The following SIGLEC9 variants were observed in gnomAD, a reference collection of about 807,000 sequenced individuals.
SIGLEC9 encodes sialic acid binding Ig like lectin 9.
Under a neutral mutation model 38.3 loss-of-function variants are expected in SIGLEC9, and 26 were observed. The ratio of observed to expected loss-of-function variants is 0.68; its 90% CI spans 0.50 to 0.94. The LOEUF (loss-of-function observed/expected upper bound fraction) is 0.94. Ranked by LOEUF, SIGLEC9 falls within the 40% of genes least tolerant of loss-of-function variation. The probability of loss-of-function intolerance (pLI) is 0.00; values close to 1 mark genes in which losing one functional copy is unlikely to be tolerated. For missense variants in SIGLEC9, 556 were observed against 585.7 expected (o/e 0.95, Z 0.52); for synonymous variants, 236 against 248.0 (o/e 0.95, Z 0.45).
rs374878489 is a variant in SIGLEC9, at chr19:51,129,954, C to T, written c.1267C>T (p.Arg423Cys). The part of the protein sequence containing the change: ...PPDQPPPASA[R>C]SSVGEGELQY... ...AGACCAGCCTCCCCCAGCTTCTGCCCGCTCCTCAGTGGGGGAAGGAGAGCT... is the reference window on the plus strand; with the variant it reads ...AGACCAGCCTCCCCCAGCTTCTGCCTGCTCCTCAGTGGGGGAAGGAGAGCT... Residue 423 changes from arginine to cysteine, a missense_variant, in exon 7 of 7, where the codon CGC (arginine) becomes TGC (cysteine). Arg to Cys is a radical substitution (Grantham distance 180). Transcript: ENST00000250360. 5.3e-5 allele frequency: 86 copies of T among 1,613,660 alleles called. No homozygotes were observed. The highest frequency in any genetic ancestry group is 1.7e-4 in the Admixed American group (10 of 59,934).
Position 51,125,206 on chromosome 19 carries a change from A to C in SIGLEC9, c.232A>C (p.Asn78His). The change falls in exon 1 of 7, where the codon AAC (asparagine) becomes CAC (histidine). Residue 78 changes from asparagine to histidine, a missense_variant. By Grantham distance (68) the Asn-to-His change is moderately conservative. Coordinates refer to ENST00000250360, the MANE Select transcript of SIGLEC9 (RefSeq NM_014441.3). ...TDQDAPVATNNPARAVWEETR... is the reference protein window; with the variant it reads ...TDQDAPVATNHPARAVWEETR... ...CCAGGATGCTCCAGTGGCCACAAAC[A>C]ACCCAGCTCGGGCAGTGTGGGAGGA... The C allele has an allele frequency of 1.2e-6, 2 of 1,614,012 alleles. No homozygotes were observed. The highest frequency in any genetic ancestry group is 1.7e-6 in the Non-Finnish European group (2 of 1,179,966).
chr19:51,123,601 C>T (rs2091956732), upstream of SIGLEC9, among the ~76,000 whole-genome samples: 1 of 152,130 alleles, frequency 6.6e-6, no homozygotes, highest in African/African-American at 2.4e-5. Flanking sequence ...AGACCATTAG[C>T]GTTAAAGTGA....
chr19:51,135,795 G>A (rs1268772714), intron 6 of SIGLEC9, among the ~76,000 whole-genome samples: 1 of 151,630 alleles, frequency 6.6e-6, no homozygotes, highest in Non-Finnish European at 1.5e-5. Flanking sequence ...AAAAATTTTT[G>A]TCTGATTGGG....
chr19:51,124,473 G>A (rs368641164), upstream of SIGLEC9, among the ~76,000 whole-genome samples: 4 of 152,108 alleles, frequency 2.6e-5, no homozygotes, highest in African/African-American at 7.2e-5. Flanking sequence ...TGTTGACCTC[G>A]TTGTGCAGAA....
chr19:51,127,319 G>A (rs1308760487), intron 4 of SIGLEC9, 23 bp downstream of exon 4: 1 of 1,586,292 alleles, frequency 6.3e-7, no homozygotes, highest in Non-Finnish European at 8.6e-7. Context: ...GTATGCTGGG[G>A]AGGGGCTGGA....
rs273690 is a variant in SIGLEC9 at position 51,127,979 on chromosome 19, T to C, written c.1046T>C (p.Val349Ala). The C allele has an allele frequency of 0.019, 30,806 of 1,613,190 alleles. 5,068 individuals are homozygous for C. In the African/African-American group the frequency reaches 0.36, roughly 19 times the overall value. The change falls in exon 5 of 7, where the codon GTG becomes GCG. Residue 349 changes from valine (V) to alanine (A), a missense_variant. By Grantham distance (64) the Val-to-Ala change is moderately conservative. Coordinates refer to ENST00000250360, the MANE Select transcript of SIGLEC9 (RefSeq NM_014441.3). ...GCCACATCAGGAGTGACTCAGGGGG[T>C]GGTCGGGGGAGCTGGAGCCACAGCC... ...SKATSGVTQGVVGGAGATALV... is the reference protein window; with the variant it reads ...SKATSGVTQGAVGGAGATALV...
At chr19:51,127,393 G>A (rs984470182) in intron 4 of SIGLEC9, 97 bp downstream of exon 4, 18 of 1,301,912 alleles carry the variant, frequency 1.4e-5, no homozygotes, top group South Asian at 4.3e-5. Flanking sequence ...GAGGAGCTCC[G>A]CTCTGGTCTG....
At chr19:51,122,214 C>T (rs189078784), upstream of SIGLEC9, among the ~76,000 whole-genome samples, 305 of 152,272 alleles carry the variant, frequency 2.0e-3, 2 homozygotes, top group Non-Finnish European at 2.5e-3. The surrounding 1 kb of genome is among the most constrained non-coding windows in gnomAD (Gnocchi z 4.1). Context: ...ACCCACTCCC[C>T]CTTCCAATCT....
chr19:51,126,162 G>C, intron 3 of SIGLEC9, 34 bp downstream of exon 3: 1 of 1,596,382 alleles, frequency 6.3e-7, no homozygotes. Flanking sequence ...GGCTGGAGGA[G>C]CAGGGCCTTC....
Position 51,126,122 on chromosome 19 carries a change from G to A in SIGLEC9, c.742G>A (p.Gly248Ser), listed in dbSNP as rs202208227. The change falls in exon 3 of 7, where the codon GGC (glycine) becomes AGC (serine). Residue 248 changes from glycine to serine, a missense_variant. By Grantham distance (56) the Gly-to-Ser change is moderately conservative. Transcript: ENST00000250360. ...NLTMTVFQGD[G>S]TVSTVLGNGS... ...GACCATGACTGTCTTCCAAGGAGAC[G>A]GCACAGGTAGGATGGAGCTCCCTCC... 7.6e-5 allele frequency: 123 copies of A among 1,613,814 alleles called. No individual in the cohort carries two copies. The highest frequency in any genetic ancestry group is 8.2e-5 in the Non-Finnish European group (97 of 1,179,844).
At chr19:51,131,808 T>C (rs1234742813), downstream of SIGLEC9, among the ~76,000 whole-genome samples, 1 of 148,670 alleles carries the variant, frequency 6.7e-6, no homozygotes, top group Non-Finnish European at 1.5e-5. Flanking sequence ...CCTTGCTACT[T>C]GGGAGGCTGA....
upstream of SIGLEC9, chr19:51,120,694 C>A: frequency 5.3e-6 from 1 of 187,516 alleles, no homozygotes. The surrounding 1 kb of genome is among the most constrained non-coding windows in gnomAD (Gnocchi z 4.1). Flanking sequence ...GCAGCAACCT[C>A]ACCTGTCAGG....
chr19:51,128,549 G>A, intron 6 of SIGLEC9, 39 bp downstream of exon 6: 2 of 1,581,474 alleles, frequency 1.3e-6, no homozygotes, highest in African/African-American at 1.3e-5. Context: ...CATGTAGCCT[G>A]GACACCTCCC....
chr19:51,124,316 A>T (rs150280645), upstream of SIGLEC9, among the ~76,000 whole-genome samples: 422 of 152,004 alleles, frequency 2.8e-3, 3 homozygotes, highest in African/African-American at 9.9e-3. Context: ...AGTCCTCCTG[A>T]GATTGAACCC....
Position 51,130,284 on chromosome 19 carries a change from T to G in SIGLEC9, c.*205T>G. On this transcript the variant is annotated 3_prime_UTR_variant, in exon 7 of 7. Coordinates refer to ENST00000250360, the MANE Select transcript of SIGLEC9 (RefSeq NM_014441.3). ...CACACTGTGCCCTCCCTTTTATTTTTTTAACTAAAAGACAGACAAATTCCT... is the reference window on the plus strand; with the variant it reads ...CACACTGTGCCCTCCCTTTTATTTTGTTAACTAAAAGACAGACAAATTCCT... 1 of 1,062,222 alleles carries G rather than the reference T, an allele frequency of 9.4e-7. No homozygotes were observed. Among genetic ancestry groups the G allele is most frequent in the Non-Finnish European group, 1.2e-6 (1 of 814,120 alleles). The allele number at this position is 1,062,222 out of a possible 1,614,324, so 65.8% of individuals were successfully genotyped here.
At chr19:51,123,854 C>T (rs2091958263), upstream of SIGLEC9, among the ~76,000 whole-genome samples, 1 of 152,218 alleles carries the variant, frequency 6.6e-6, no homozygotes, top group African/African-American at 2.4e-5. Context: ...CCCAGTTCCT[C>T]CCAGCCCAGC....
chr19:51,125,830 G>A lies in SIGLEC9; in HGVS notation c.655G>A (p.Gly219Arg). The A allele has an allele frequency of 6.2e-7, 1 of 1,614,140 alleles. No homozygotes were observed. The highest frequency in any genetic ancestry group is 8.5e-7 in the Non-Finnish European group (1 of 1,180,022). ...CCTCACCTGTCAGGTGACCTTCCCT[G>A]GGGCCAGCGTGACCACGAACAAGAC... ...TSLTCQVTFP[G>R]ASVTTNKTVH... Residue 219 changes from glycine (G) to arginine (R), a missense_variant, in exon 2 of 7, where the codon GGG (glycine) becomes AGG (arginine). Coordinates refer to ENST00000250360, the MANE Select transcript of SIGLEC9 (RefSeq NM_014441.3).
downstream of SIGLEC9, among the ~76,000 whole-genome samples, chr19:51,131,227 C>G (rs2092013277): frequency 6.6e-6 from 1 of 152,284 alleles, no homozygotes; most frequent in Admixed American, 6.5e-5. Flanking sequence ...ACTAAAACTT[C>G]CCTAAATCTA....
chr19:51,134,065 G>T (rs375216419), downstream of SIGLEC9, among the ~76,000 whole-genome samples: 123 of 151,574 alleles, frequency 8.1e-4, no homozygotes, highest in African/African-American at 2.8e-3. Flanking sequence ...ACTGCCTCAG[G>T]TTGGGAGTGG....
Sources: allele counts gnomAD v4.1 joint callset (sites outside exome capture counted in the v4.1 genomes callset), GRCh38; gene constraint gnomAD v4.1.1; non-coding constraint Gnocchi (gnomAD v3.1); transcripts MANE v1.5; gene names NCBI Gene and HGNC (gene_info 2026-07-23, HGNC 2026-07-21).